ZRANB1: variants seen among roughly 807,000 people sequenced by gnomAD.
The protein encoded by ZRANB1 is ubiquitin thioesterase ZRANB1.
Under a neutral mutation model 80.5 loss-of-function variants are expected in ZRANB1, and 16 were observed. That is an observed-to-expected ratio of 0.20 (90% CI 0.13 to 0.30). The LOEUF (loss-of-function observed/expected upper bound fraction) is 0.30. Among genes scored for constraint, ZRANB1 ranks in the 10% least tolerant of loss-of-function variants. The probability of loss-of-function intolerance (pLI) is 1.00; values close to 1 mark genes in which losing one functional copy is unlikely to be tolerated. For synonymous variants in ZRANB1, 291 were observed against 293.1 expected (o/e 0.99, Z 0.07); for missense variants, 576 against 862.6 (o/e 0.67, Z 4.16).
intron 1 of ZRANB1, among the ~76,000 whole-genome samples, chr10:124,958,394 G>T (rs904789714): frequency 6.6e-6 from 1 of 152,134 alleles, no homozygotes; most frequent in African/African-American, 2.4e-5. Context: ...TAGTCTAAGC[G>T]ACAGAGCAAG....
intron 5 of ZRANB1, among the ~76,000 whole-genome samples, chr10:124,977,906 C>T (rs1951893485): frequency 6.6e-6 from 1 of 151,960 alleles, no homozygotes; most frequent in Non-Finnish European, 1.5e-5. Context: ...GGAGTGAGCA[C>T]CTAGGGCTGG....
the ZRANB1 span, among the ~76,000 whole-genome samples, chr10:124,925,789 C>T: frequency 6.6e-6 from 1 of 152,128 alleles, no homozygotes; most frequent in Non-Finnish European, 1.5e-5. Context: ...CTGGTTATCC[C>T]TGCATCATTT....
the ZRANB1 span, among the ~76,000 whole-genome samples, chr10:124,934,704 G>T: frequency 1.3e-5 from 2 of 152,184 alleles, no homozygotes; most frequent in Admixed American, 1.3e-4. Context: ...GATGTCAGGT[G>T]GGCAACTGGT....
At position 124,983,380 on chromosome 10, in the gene ZRANB1, A is replaced by G; in HGVS notation, c.1678+76A>G. ...CAGATGTCAGGAAGGAGCAGTGGAC[A>G]GGGGAATGTGAACAAGGGCAGTGAG... On this transcript the variant is annotated intron_variant, in intron 7 of 8. Transcript: ENST00000359653. This position sits in a 1 kb window ranked among gnomAD's most constrained non-coding sequence, Gnocchi z 6.2. The G allele has an allele frequency of 1.3e-6, 2 of 1,595,296 alleles. No homozygotes were observed. The highest frequency in any genetic ancestry group is 1.7e-6 in the Non-Finnish European group (2 of 1,168,504).
chr10:124,948,040 C>A (rs529824121), intron 1 of ZRANB1, among the ~76,000 whole-genome samples: 1 of 152,278 alleles, frequency 6.6e-6, no homozygotes, highest in South Asian at 2.1e-4. Flanking sequence ...CCTTGAATAA[C>A]ACAGGTCTGA....
the ZRANB1 span, among the ~76,000 whole-genome samples, chr10:124,922,738 G>A: frequency 1.3e-5 from 2 of 151,778 alleles, no homozygotes; most frequent in African/African-American, 4.8e-5. Context: ...TGATCTGCCC[G>A]CCTCTGCCTC....
chr10:124,928,770 G>A, the ZRANB1 span, among the ~76,000 whole-genome samples: 3 of 152,192 alleles, frequency 2.0e-5, no homozygotes, highest in Non-Finnish European at 4.4e-5. Flanking sequence ...GATAAGTGCT[G>A]TGCAGAAAAT....
chr10:124,965,292 G>GT (rs1425661264), intron 1 of ZRANB1, among the ~76,000 whole-genome samples: 1 of 152,204 alleles, frequency 6.6e-6, no homozygotes, highest in East Asian at 1.9e-4. Flanking sequence ...AATATAATGG[G>GT]TTTTCAACCT....
chr10:124,938,129 A>C (rs1222537478), upstream of ZRANB1, among the ~76,000 whole-genome samples: 1 of 152,242 alleles, frequency 6.6e-6, no homozygotes, highest in East Asian at 1.9e-4. Context: ...TTCAAGGTAG[A>C]GTATTAACTT....
chr10:124,925,169 C>G, the ZRANB1 span, among the ~76,000 whole-genome samples: 3 of 152,300 alleles, frequency 2.0e-5, no homozygotes, highest in South Asian at 6.2e-4. Context: ...CTCGGCCTCC[C>G]AAAATGCTGG....
the ZRANB1 span, among the ~76,000 whole-genome samples, chr10:124,931,614 G>T: frequency 2.0e-5 from 3 of 152,048 alleles, no homozygotes; most frequent in South Asian, 6.2e-4. Flanking sequence ...CTGGTGATCT[G>T]CCCACCTCAG....
At chr10:124,938,701 A>G (rs903192103), upstream of ZRANB1, among the ~76,000 whole-genome samples, 2 of 149,090 alleles carry the variant, frequency 1.3e-5, no homozygotes, top group Non-Finnish European at 3.0e-5. Flanking sequence ...ACTGTACATC[A>G]TTACGTTTTT....
chr10:124,930,841 G>T, the ZRANB1 span, among the ~76,000 whole-genome samples: 1 of 152,028 alleles, frequency 6.6e-6, no homozygotes, highest in Non-Finnish European at 1.5e-5. Flanking sequence ...GATTAGCCTG[G>T]ACAATGTATG....
chr10:124,978,700 A>T (rs1165367534), intron 5 of ZRANB1, among the ~76,000 whole-genome samples: 1 of 151,804 alleles, frequency 6.6e-6, no homozygotes, highest in Non-Finnish European at 1.5e-5. Flanking sequence ...ATCTTGGCTC[A>T]CTGTAACCTT....
chr10:124,921,273 C>A, the ZRANB1 span, among the ~76,000 whole-genome samples: 1 of 152,124 alleles, frequency 6.6e-6, no homozygotes, highest in African/African-American at 2.4e-5. Flanking sequence ...TAATCTGTAG[C>A]CTCAGTTTGT....
chr10:124,948,812 A>G (rs1951606276), intron 1 of ZRANB1, among the ~76,000 whole-genome samples: 1 of 152,230 alleles, frequency 6.6e-6, no homozygotes, highest in Admixed American at 6.5e-5. Context: ...CTTAGTATGT[A>G]CAACAGTGCC....
At chr10:124,920,504 A>G in the ZRANB1 span, among the ~76,000 whole-genome samples, 24 of 152,244 alleles carry the variant, frequency 1.6e-4, no homozygotes, top group African/African-American at 5.3e-4. Flanking sequence ...GAACTGATCC[A>G]TTCTTCAGTC....
chr10:124,942,750 A>G lies in ZRANB1; in HGVS notation c.257A>G (p.Asn86Ser). Residue 86 changes from asparagine to serine, a missense_variant, in exon 1 of 9, where the codon AAT (asparagine) becomes AGT (serine). Around this residue, in one of 3 missense-constraint regions of ZRANB1, gnomAD observed 411 missense variants for 583.1 expected, o/e 0.70. Transcript: ENST00000359653. Reference sequence around the variant, plus strand: ...TCTTCGTATAGCATGGAAAATGCAAATAAGTGGTCATGCCACATGTGTACA... The same window carrying G: ...TCTTCGTATAGCATGGAAAATGCAAGTAAGTGGTCATGCCACATGTGTACA... Reference protein sequence around the residue: ...VKSSYSMENANKWSCHMCTYL... With the variant: ...VKSSYSMENASKWSCHMCTYL... 1 of 1,614,228 alleles carries G rather than the reference A, an allele frequency of 6.2e-7. No individual in the cohort carries two copies. The highest frequency in any genetic ancestry group is 1.1e-5 in the South Asian group (1 of 91,080).
At chr10:124,916,904 G>T in the ZRANB1 span, among the ~76,000 whole-genome samples, 1 of 151,918 alleles carries the variant, frequency 6.6e-6, no homozygotes, top group Non-Finnish European at 1.5e-5. Flanking sequence ...ATTTGGCTCC[G>T]GGTCCCTCGG....
Sources: allele counts gnomAD v4.1 joint callset (sites outside exome capture counted in the v4.1 genomes callset), GRCh38; gene constraint gnomAD v4.1.1; regional missense constraint gnomAD v4.1.1; non-coding constraint Gnocchi (gnomAD v3.1); transcripts MANE v1.5; gene names NCBI Gene and HGNC (gene_info 2026-07-23, HGNC 2026-07-21).